The following PHACTR2 variants were observed in gnomAD, a reference collection of about 807,000 sequenced individuals.
PHACTR2 encodes the protein chromosome 6 open reading frame 56.
In PHACTR2, 30 loss-of-function variants were observed where a neutral mutation model predicts 76.0. The observed-to-expected ratio is 0.39, with a 90% CI of 0.30 to 0.54. PHACTR2 has a LOEUF of 0.54. Among genes scored for constraint, PHACTR2 ranks in the 20% least tolerant of loss-of-function variants. The probability of loss-of-function intolerance (pLI) is 0.61; values close to 1 mark genes in which losing one functional copy is unlikely to be tolerated. For missense variants in PHACTR2, 696 were observed against 781.1 expected (o/e 0.89, Z 1.30); for synonymous variants, 292 against 292.5 (o/e 1.00, Z 0.02).
chr6:143,567,476 G>T (rs1438925449), intron 1 of PHACTR2, among the ~76,000 whole-genome samples: 1 of 152,142 alleles, frequency 6.6e-6, no homozygotes, highest in Non-Finnish European at 1.5e-5. Context: ...TCAGCTCACT[G>T]CAACCTCCAC....
chr6:143,691,061 C>A (rs1777632808), intron 1 of PHACTR2, among the ~76,000 whole-genome samples: 1 of 152,160 alleles, frequency 6.6e-6, no homozygotes, highest in African/African-American at 2.4e-5. Context: ...TATAGGTCAG[C>A]AAAATCAAAG....
chr6:143,711,120 T>C (rs1465004805), intron 1 of PHACTR2: 1 of 504,906 alleles, frequency 2.0e-6, no homozygotes, highest in Non-Finnish European at 3.9e-6. Context: ...GTTGAGATAA[T>C]TTCCATCACC....
rs1775763152 is a variant in PHACTR2, at chr6:143,597,097, A to G, written c.217+59890A>G. Among the ~76,000 whole-genome samples, 1 of 152,180 alleles carries G rather than the reference A, an allele frequency of 6.6e-6. No individual in the cohort carries two copies. The highest frequency in any genetic ancestry group is 6.5e-5 in the Admixed American group (1 of 15,288). On this transcript the variant is annotated intron_variant, in intron 1 of 11. Transcript: ENST00000367584. This position sits in a 1 kb window ranked among gnomAD's most constrained non-coding sequence, Gnocchi z 5.7. ...TACTCTGGATCTTTCTACACTTGGC[A>G]TGTATTTTCCCCTCTGTGTTCTCAC...
chr6:143,546,251 A>G lies in PHACTR2; in HGVS notation c.217+9044A>G, dbSNP rs62429088. 0.047 allele frequency among the ~76,000 whole-genome samples: 7,186 copies of G among 152,190 alleles called. 259 individuals are homozygous for G. The highest frequency in any genetic ancestry group is 0.071 in the Non-Finnish European group (4,862 of 68,012). On this transcript the variant is annotated intron_variant, in intron 1 of 11. Transcript: ENST00000367584. This position sits in a 1 kb window ranked among gnomAD's most constrained non-coding sequence, Gnocchi z 4.9. ...ACTTATTTTGTGACCTGTTGGCTAAAATTTGACATTTATATGCCTTACTTT... is the reference window on the plus strand; with the variant it reads ...ACTTATTTTGTGACCTGTTGGCTAAGATTTGACATTTATATGCCTTACTTT...
chr6:143,790,391 G>T (rs1178288130), intron 11 of PHACTR2, among the ~76,000 whole-genome samples: 2 of 151,906 alleles, frequency 1.3e-5, no homozygotes, highest in African/African-American at 4.9e-5. Context: ...CACTGGAGTA[G>T]CAGGTCAGTA....
chr6:143,656,280 G>A lies in PHACTR2; in HGVS notation c.13+47958G>A, dbSNP rs1776848742. Among the ~76,000 whole-genome samples the A allele has an allele frequency of 6.6e-6, 1 of 152,176 alleles. No individual in the cohort carries two copies. The highest frequency in any genetic ancestry group is 2.1e-4 in the South Asian group (1 of 4,830). Reference sequence around the variant, plus strand: ...ACCTCCTGTGAGCCTAAGCTTTCTTGTCTGCAAACTGAGAGATCTCTCAAG... The same window carrying A: ...ACCTCCTGTGAGCCTAAGCTTTCTTATCTGCAAACTGAGAGATCTCTCAAG... On this transcript the variant is annotated intron_variant, in intron 1 of 11. Coordinates refer to the PHACTR2 transcript ENST00000305766. This position sits in a 1 kb window ranked among gnomAD's most constrained non-coding sequence, Gnocchi z 5.3.
In PHACTR2 at chr6:143,537,096, C is replaced by T. The variant is rs556721155; in HGVS notation, c.106C>T (p.Pro36Ser). 1.1e-4 allele frequency: 26 copies of T among 245,012 alleles called. No homozygotes were observed. Among genetic ancestry groups the T allele is most frequent in the Admixed American group, 2.5e-4 (5 of 19,714 alleles). 15.2% of individuals were successfully genotyped at this position (245,012 alleles called of 1,614,324 possible). A position where few individuals can be genotyped will look rare whatever the true frequency, so the allele number is the denominator to read the frequency against. ...CGAGGCGCCCGCCCCGCCGGCGGCG[C>T]CTGCCCTGCGCTGGCTTCCCGGGGA... The change falls in exon 1 of 12, where the codon CCT becomes TCT. Residue 36 changes from proline (P) to serine (S), a missense_variant. Physicochemically the swap from Pro to Ser is moderately conservative, Grantham distance 74. Transcript: ENST00000367584. This position sits in a 1 kb window ranked among gnomAD's most constrained non-coding sequence, Gnocchi z 4.4.
At chr6:143,644,727 A>G (rs1487321726) in intron 1 of PHACTR2, among the ~76,000 whole-genome samples, 2 of 150,782 alleles carry the variant, frequency 1.3e-5, no homozygotes, top group Admixed American at 6.6e-5. Flanking sequence ...ACAATGGTGT[A>G]TCTTAAAATC....
chr6:143,563,965 C>G (rs1582673723), intron 1 of PHACTR2, among the ~76,000 whole-genome samples: 1 of 151,984 alleles, frequency 6.6e-6, no homozygotes, highest in East Asian at 1.9e-4. Context: ...GATCGTGTCA[C>G]TGCACTCTAG....
At chr6:143,773,287 T>G (rs1775196397) in intron 7 of PHACTR2, among the ~76,000 whole-genome samples, 1 of 152,128 alleles carries the variant, frequency 6.6e-6, no homozygotes, top group South Asian at 2.1e-4. Flanking sequence ...ATAAGTAAGA[T>G]AGTAGGCCTT....
rs1775475342 is a variant in PHACTR2 at position 143,783,299 on chromosome 6, T to C, written c.1707+19T>C. 6.6e-7 allele frequency: 1 copy of C among 1,507,120 alleles called. No homozygotes were observed. The highest frequency in any genetic ancestry group is 9.2e-7 in the Non-Finnish European group (1 of 1,084,130). 93.4% of individuals were successfully genotyped at this position (1,507,120 alleles called of 1,614,324 possible). ...CAGAAAGGTAATGAAATCATAACTA[T>C]TAATGAGCATATGTGTTTTGAGATA... is the stretch of plus-strand genomic sequence containing the variant. On this transcript the variant is annotated intron_variant, in intron 10 of 12. Coordinates refer to ENST00000440869, the MANE Select transcript of PHACTR2 (RefSeq NM_001100164.2). This position sits in a 1 kb window ranked among gnomAD's most constrained non-coding sequence, Gnocchi z 5.2.
chr6:143,805,307 G>A (rs1015893736), intron 11 of PHACTR2, among the ~76,000 whole-genome samples: 1 of 151,514 alleles, frequency 6.6e-6, no homozygotes, highest in Non-Finnish European at 1.5e-5. Flanking sequence ...GTGAAACCTC[G>A]TCTCTACTAA....
rs1777897283 is a variant in PHACTR2 at position 143,700,890 on chromosome 6, C to T, written c.47-11126C>T. ...ATAGGTTGTTGGTTGATTCCTGTCA[C>T]GTTTTTCCTCTCTGTAGCGACATCT... is the stretch of plus-strand genomic sequence containing the variant. On this transcript the variant is annotated intron_variant, in intron 1 of 12. Coordinates refer to ENST00000440869, the MANE Select transcript of PHACTR2 (RefSeq NM_001100164.2). The surrounding 1 kb of genome is among the most constrained non-coding windows in gnomAD (Gnocchi z 4.1). Among the ~76,000 whole-genome samples, 1 of 152,238 alleles carries T rather than the reference C, an allele frequency of 6.6e-6. No individual in the cohort carries two copies. The highest frequency in any genetic ancestry group is 2.1e-4 in the South Asian group (1 of 4,832).
At chr6:143,635,730 T>C in intron 1 of PHACTR2, among the ~76,000 whole-genome samples, 1 of 152,230 alleles carries the variant, frequency 6.6e-6, no homozygotes, top group East Asian at 1.9e-4. Context: ...TACTTTAAGG[T>C]CGTCTTGTTG....
chr6:143,745,552 C>G (rs1779041131), intron 2 of PHACTR2, among the ~76,000 whole-genome samples: 1 of 152,240 alleles, frequency 6.6e-6, no homozygotes, highest in African/African-American at 2.4e-5. Flanking sequence ...CAAACCCCCT[C>G]TGAGCCCATG....
rs1777576849 is a variant in PHACTR2, at chr6:143,688,786, G to T, written c.46+10577G>T. Among the ~76,000 whole-genome samples the T allele has an allele frequency of 6.6e-6, 1 of 152,160 alleles. No individual in the cohort carries two copies. Among genetic ancestry groups the T allele is most frequent in the Admixed American group, 6.5e-5 (1 of 15,280 alleles). ...TGGACAACTGCAGTAGATTCCAGCTGCTCTCCTGCTTCTGTTCCCACCCTT... is the reference window on the plus strand; with the variant it reads ...TGGACAACTGCAGTAGATTCCAGCTTCTCTCCTGCTTCTGTTCCCACCCTT... On this transcript the variant is annotated intron_variant, in intron 1 of 12. Coordinates refer to ENST00000440869, the MANE Select transcript of PHACTR2 (RefSeq NM_001100164.2). This position sits in a 1 kb window ranked among gnomAD's most constrained non-coding sequence, Gnocchi z 5.2.
rs1776660280 is a variant in PHACTR2 at position 143,646,357 on chromosome 6, A to G, written c.13+38035A>G. On this transcript the variant is annotated intron_variant, in intron 1 of 11. Transcript: ENST00000305766. The surrounding 1 kb of genome is among the most constrained non-coding windows in gnomAD (Gnocchi z 4.1). ...ATTTATCTAACCTTAATATCATAGCATAACTCCTTAAAGTTTATTGACTTT... is the reference window on the plus strand; with the variant it reads ...ATTTATCTAACCTTAATATCATAGCGTAACTCCTTAAAGTTTATTGACTTT... Among the ~76,000 whole-genome samples, 2 of 152,238 alleles carry G rather than the reference A, an allele frequency of 1.3e-5. No individual in the cohort carries two copies. The highest frequency in any genetic ancestry group is 1.5e-5 in the Non-Finnish European group (1 of 68,026).
intron 1 of PHACTR2, among the ~76,000 whole-genome samples, chr6:143,600,536 C>CT (rs1490942744): frequency 6.6e-6 from 1 of 152,200 alleles, no homozygotes; most frequent in African/African-American, 2.4e-5. Context: ...ATAGATTGAG[C>CT]TAAATAATGG....
rs539447296 is a variant in PHACTR2, at chr6:143,800,581, A to G, written c.1846-6476A>G. Among the ~76,000 whole-genome samples the G allele has an allele frequency of 2.0e-5, 3 of 152,232 alleles. No individual in the cohort carries two copies. Among genetic ancestry groups the G allele is most frequent in the African/African-American group, 4.8e-5 (2 of 41,548 alleles). On this transcript the variant is annotated intron_variant, in intron 11 of 12. Coordinates refer to ENST00000440869, the MANE Select transcript of PHACTR2 (RefSeq NM_001100164.2). This position sits in a 1 kb window ranked among gnomAD's most constrained non-coding sequence, Gnocchi z 4.8. ...CAGCCCATCCCTTTATTTTGAGCCT[A>G]TGTGTGTCTTTGCATGTGAGATGGG...
Sources: gnomAD v4.1 joint callset for allele counts (sites outside exome capture counted in the v4.1 genomes callset) on GRCh38, gnomAD v4.1.1 for gene constraint, Gnocchi (gnomAD v3.1) non-coding constraint, MANE v1.5 for transcripts, NCBI Gene and HGNC (gene_info 2026-07-23, HGNC 2026-07-21) for gene names.